ZNF680: variants seen among roughly 807,000 people sequenced by gnomAD.
ZNF680 encodes the protein zinc finger protein 680, also known as hypothetical protein FLJ90430.
In ZNF680, 6 loss-of-function variants were observed where a neutral mutation model predicts 12.1. That is an observed-to-expected ratio of 0.49 (90% CI 0.27 to 0.98). The LOEUF (loss-of-function observed/expected upper bound fraction) is 0.98. ZNF680 is among the 50% of genes least tolerant of loss of function. The pLI is 0.12. For synonymous variants in ZNF680, 170 were observed against 199.3 expected (o/e 0.85, Z 1.24); for missense variants, 561 against 616.3 (o/e 0.91, Z 0.95).
chr7:64,533,169 G>T (rs556098568), intron 3 of ZNF680, among the ~76,000 whole-genome samples: 14 of 152,260 alleles, frequency 9.2e-5, no homozygotes, highest in Admixed American at 8.5e-4. Flanking sequence ...GTCCTAGCCA[G>T]AGCAATCAGA....
intron 1 of ZNF680, among the ~76,000 whole-genome samples, chr7:64,548,865 G>A (rs1329967960): frequency 6.6e-6 from 1 of 152,096 alleles, no homozygotes; most frequent in Non-Finnish European, 1.5e-5. Flanking sequence ...GCTCATGCTT[G>A]TAATCCAAGC....
chr7:64,562,903 G>A (rs751552392), intron 1 of ZNF680, 22 bp downstream of exon 1: 2 of 1,613,524 alleles, frequency 1.2e-6, no homozygotes, highest in Admixed American at 3.3e-5. Flanking sequence ...CCCTCTCTCG[G>A]GGTGTCGGAC....
At chr7:64,535,803 G>C (rs528837238) in intron 3 of ZNF680, among the ~76,000 whole-genome samples, 5 of 152,068 alleles carry the variant, frequency 3.3e-5, no homozygotes, top group African/African-American at 7.2e-5. Flanking sequence ...AAGTAGCCAG[G>C]CATCGTAGCA....
At chr7:64,561,339 G>C (rs568480011) in intron 1 of ZNF680, 1 of 152,550 alleles carries the variant, frequency 6.6e-6, no homozygotes, top group South Asian at 2.1e-4. Flanking sequence ...GTCATGGTGG[G>C]TATCATGGTT....
chr7:64,512,279 C>T, the ZNF680 span, among the ~76,000 whole-genome samples: 1 of 151,216 alleles, frequency 6.6e-6, no homozygotes, highest in African/African-American at 2.4e-5. Flanking sequence ...GAAACCCCTT[C>T]TCTACTAAAA....
Position 64,563,038 on chromosome 7 carries a change from G to C in ZNF680, c.-84C>G, listed in dbSNP as rs1787835037. 1.3e-6 allele frequency: 2 copies of C among 1,518,040 alleles called. No homozygotes were observed. The highest frequency in any genetic ancestry group is 3.5e-5 in the Admixed American group (2 of 57,316). The allele number at this position is 1,518,040 out of a possible 1,614,324, so 94.0% of individuals were successfully genotyped here. A position where few individuals can be genotyped will look rare whatever the true frequency, so the allele number is the denominator to read the frequency against. On this transcript the variant is annotated 5_prime_UTR_variant, in exon 1 of 4. Coordinates refer to ENST00000309683, the MANE Select transcript of ZNF680 (RefSeq NM_178558.5). ...GGAGCAGAATACACAGAGCAGTAAAGACTAGACCTGGAGCTCCCGCAGCAG... is the reference window on the plus strand; with the variant it reads ...GGAGCAGAATACACAGAGCAGTAAACACTAGACCTGGAGCTCCCGCAGCAG...
intron 3 of ZNF680, among the ~76,000 whole-genome samples, chr7:64,538,134 A>C (rs992053064): frequency 2.0e-5 from 3 of 152,214 alleles, no homozygotes; most frequent in Admixed American, 6.5e-5. Flanking sequence ...AGAATATTTG[A>C]AATAAAATAT....
intron 3 of ZNF680, among the ~76,000 whole-genome samples, chr7:64,528,369 A>G (rs1785674396): frequency 6.6e-6 from 1 of 152,214 alleles, no homozygotes; most frequent in African/African-American, 2.4e-5. Context: ...CACAGGTCAC[A>G]GGGCCGGGGA....
chr7:64,559,337 A>C (rs1201383869), intron 1 of ZNF680, among the ~76,000 whole-genome samples: 2 of 152,160 alleles, frequency 1.3e-5, no homozygotes, highest in Non-Finnish European at 2.9e-5. Context: ...GAAAGGCTTT[A>C]TTCATTTGGG....
the ZNF680 span, among the ~76,000 whole-genome samples, chr7:64,512,414 T>C: frequency 2.6e-4 from 38 of 144,130 alleles, no homozygotes; most frequent in Non-Finnish European, 1.2e-4. Context: ...GATCGCACCA[T>C]TGCACTCCAG....
At chr7:64,509,964 A>T in the ZNF680 span, among the ~76,000 whole-genome samples, 1 of 150,468 alleles carries the variant, frequency 6.6e-6, no homozygotes, top group Non-Finnish European at 1.5e-5. Context: ...GACCATCTGC[A>T]GTCTATACTC....
intron 3 of ZNF680, among the ~76,000 whole-genome samples, chr7:64,539,552 G>A (rs1252427143): frequency 6.6e-6 from 1 of 151,972 alleles, no homozygotes; most frequent in Non-Finnish European, 1.5e-5. Flanking sequence ...AGGGTAAAAT[G>A]GGCAGTTGTT....
chr7:64,552,628 A>G (rs1306369021), intron 1 of ZNF680, among the ~76,000 whole-genome samples: 7 of 152,244 alleles, frequency 4.6e-5, no homozygotes, highest in Non-Finnish European at 8.8e-5. Flanking sequence ...TTTGGATATT[A>G]GAGATAAGTA....
the ZNF680 span, among the ~76,000 whole-genome samples, chr7:64,507,131 A>T: frequency 6.6e-6 from 1 of 152,346 alleles, no homozygotes; most frequent in Non-Finnish European, 1.5e-5. Flanking sequence ...GGTAAATCCC[A>T]TTATTTGAAA....
the ZNF680 span, among the ~76,000 whole-genome samples, chr7:64,511,829 C>T: frequency 6.6e-6 from 1 of 152,076 alleles, no homozygotes; most frequent in East Asian, 1.9e-4. Flanking sequence ...GAGGCCAAGG[C>T]AGGCAGATCA....
chr7:64,518,726 A>T (rs1052323215), downstream of ZNF680, among the ~76,000 whole-genome samples: 6 of 152,086 alleles, frequency 3.9e-5, no homozygotes, highest in African/African-American at 7.2e-5. Context: ...AAAGCAAACA[A>T]AAACATGAAG....
chr7:64,522,450 C>A lies in ZNF680; in HGVS notation c.304G>T (p.Asp102Tyr), dbSNP rs753118626. The A allele has an allele frequency of 9.4e-6, 15 of 1,595,012 alleles. No individual in the cohort carries two copies. In the South Asian group the frequency reaches 1.5e-4, roughly 16 times the overall value. ...EDLWPEHSIKDSFQKVILRGY... is the reference protein window; with the variant it reads ...EDLWPEHSIKYSFQKVILRGY... ...CTCAGTATCACTTTTTGAAAAGAAT[C>A]TTTTATGCTATGCTCTGGCCAAAGG... The change falls in exon 4 of 4, where the codon GAT becomes TAT. Residue 102 changes from aspartate (D) to tyrosine (Y), a missense_variant. Transcript: ENST00000309683.
At chr7:64,547,823 T>C (rs974810589) in intron 1 of ZNF680, among the ~76,000 whole-genome samples, 1 of 152,188 alleles carries the variant, frequency 6.6e-6, no homozygotes, top group African/African-American at 2.4e-5. Flanking sequence ...CTGGTTTTTA[T>C]AAAAATAAAA....
At chr7:64,553,758 G>A (rs959322707) in intron 1 of ZNF680, among the ~76,000 whole-genome samples, 1 of 152,252 alleles carries the variant, frequency 6.6e-6, no homozygotes, top group African/African-American at 2.4e-5. Flanking sequence ...ACTGGTTTTC[G>A]CATTTTTTGG....
Sources: allele counts gnomAD v4.1 joint callset (sites outside exome capture counted in the v4.1 genomes callset), GRCh38; gene constraint gnomAD v4.1.1; transcripts MANE v1.5; gene names NCBI Gene and HGNC (gene_info 2026-07-23, HGNC 2026-07-21).